Variants in TMEM132D observed in about 807,000 individuals in gnomAD.
TMEM132D encodes mature OL transmembrane protein.
TMEM132D carries 21 observed loss-of-function variants against 62.3 expected under a neutral mutation model. The observed-to-expected ratio is 0.34, with a 90% CI of 0.24 to 0.49. TMEM132D has a LOEUF of 0.49. Ranked by LOEUF, TMEM132D falls within the 20% of genes least tolerant of loss-of-function variation. TMEM132D has a pLI of 0.99. For synonymous variants in TMEM132D, 621 were observed against 575.6 expected, an observed-to-expected ratio of 1.08 and a Z score of -1.13; for missense variants, 1,346 against 1,402.8, an observed-to-expected ratio of 0.96 and a Z score of 0.65.
At chr12:129,566,743 C>A (rs1463034189) in intron 2 of TMEM132D, among the ~76,000 whole-genome samples, 4 of 152,156 alleles carry the variant, frequency 2.6e-5, no homozygotes, top group South Asian at 4.1e-4. Flanking sequence ...GAGCCTGGCA[C>A]CATTTTATGT....
In TMEM132D at chr12:129,854,333, G is replaced by A. The variant is rs1873645612; in HGVS notation, c.79+48928C>T. ...GACCATCACCTCATTGTACAGAAAA[G>A]GAAATGTGACACAGGGCCAATGTCA... On this transcript the variant is annotated intron_variant, in intron 1 of 8. Transcript: ENST00000422113. Among the ~76,000 whole-genome samples, 3 of 152,246 alleles carry A rather than the reference G, an allele frequency of 2.0e-5. No individual in the cohort carries two copies. In the South Asian group the frequency reaches 6.2e-4, roughly 32 times the overall value.
chr12:129,825,556 G>A, intron 1 of TMEM132D, among the ~76,000 whole-genome samples: 1 of 152,072 alleles, frequency 6.6e-6, no homozygotes, highest in African/African-American at 2.4e-5. Context: ...GGGACACAAG[G>A]CCCTCCACCT....
intron 3 of TMEM132D, among the ~76,000 whole-genome samples, chr12:129,399,818 C>T (rs1340177670): frequency 2.6e-5 from 4 of 151,696 alleles, no homozygotes; most frequent in Admixed American, 2.6e-4. Context: ...AACTGTGTGG[C>T]TCAAAGGAAC....
chr12:129,777,929 T>A (rs1870994157), intron 1 of TMEM132D, among the ~76,000 whole-genome samples: 1 of 150,622 alleles, frequency 6.6e-6, no homozygotes, highest in African/African-American at 2.4e-5. Flanking sequence ...AGCCCAGGAG[T>A]TCAAGACCTG....
intron 2 of TMEM132D, among the ~76,000 whole-genome samples, chr12:129,649,367 G>T (rs1424739974): frequency 6.6e-6 from 1 of 152,024 alleles, no homozygotes; most frequent in Non-Finnish European, 1.5e-5. Flanking sequence ...GCCTCCACAA[G>T]CCACCAAGTA....
At chr12:129,453,229 G>A (rs574269420) in intron 3 of TMEM132D, among the ~76,000 whole-genome samples, 1 of 152,338 alleles carries the variant, frequency 6.6e-6, no homozygotes, top group African/African-American at 2.4e-5. Flanking sequence ...AGTCCCTGGT[G>A]CCAAAAAGAT....
At chr12:129,341,583 T>C (rs1869486914) in intron 3 of TMEM132D, among the ~76,000 whole-genome samples, 1 of 152,204 alleles carries the variant, frequency 6.6e-6, no homozygotes, top group African/African-American at 2.4e-5. Flanking sequence ...TCCTAGCCTC[T>C]AGATGTTTAC....
In TMEM132D at chr12:129,486,222, C is replaced by T. The variant is rs546680056; in HGVS notation, c.1115+44837G>A. On this transcript the variant is annotated intron_variant, in intron 3 of 8. Transcript: ENST00000422113. ...GAAGCTACAGCTGCCCGCTGCAGTC[C>T]CTTGCTACATCACACACCTTTTATC... 3.1e-4 allele frequency among the ~76,000 whole-genome samples: 47 copies of T among 152,340 alleles called. 1 individual carries two copies. The highest frequency in any genetic ancestry group is 9.1e-4 in the African/African-American group (38 of 41,580).
At chr12:129,826,768 C>G (rs111654581) in intron 1 of TMEM132D, among the ~76,000 whole-genome samples, 40 of 152,238 alleles carry the variant, frequency 2.6e-4, no homozygotes, top group Non-Finnish European at 5.4e-4. Context: ...GGGTCAGAGG[C>G]CTGAGACAGC....
At chr12:129,583,587 C>G (rs1270144973) in intron 2 of TMEM132D, among the ~76,000 whole-genome samples, 1 of 152,174 alleles carries the variant, frequency 6.6e-6, no homozygotes, top group Non-Finnish European at 1.5e-5. Context: ...AACACACATG[C>G]TTCCACAGAG....
chr12:129,635,334 G>A (rs1447796538), intron 2 of TMEM132D, among the ~76,000 whole-genome samples: 2 of 152,180 alleles, frequency 1.3e-5, no homozygotes, highest in African/African-American at 4.8e-5. Context: ...CTCTATAACG[G>A]TAAGTCCTCA....
At position 129,569,072 on chromosome 12, in the gene TMEM132D, C is replaced by T. The variant is rs147571228; in HGVS notation, c.969-37867G>A. Among the ~76,000 whole-genome samples the T allele has an allele frequency of 8.0e-3, 1,219 of 152,268 alleles. 11 individuals are homozygous for T. The highest frequency in any genetic ancestry group is 0.016 in the Admixed American group (244 of 15,292). On this transcript the variant is annotated intron_variant, in intron 2 of 8. Coordinates refer to ENST00000422113, the MANE Select transcript of TMEM132D (RefSeq NM_133448.3). ...TGGGTCCACACTTCGAGAGCCACTA[C>T]CCTGGAATATCTTAGTGTGAGATAA...
chr12:129,882,762 A>G (rs541183605), intron 1 of TMEM132D, among the ~76,000 whole-genome samples: 1 of 152,322 alleles, frequency 6.6e-6, no homozygotes, highest in East Asian at 1.9e-4. Flanking sequence ...ATTGTTTTTA[A>G]GAAGGAAAAC....
At chr12:129,895,223 G>T (rs1028928754) in intron 1 of TMEM132D, among the ~76,000 whole-genome samples, 2 of 152,218 alleles carry the variant, frequency 1.3e-5, no homozygotes, top group African/African-American at 4.8e-5. Flanking sequence ...GCTGGGGTGA[G>T]CGCTAATCCC....
intron 4 of TMEM132D, among the ~76,000 whole-genome samples, chr12:129,227,024 C>A (rs1172089921): frequency 1.3e-5 from 2 of 152,064 alleles, no homozygotes; most frequent in Non-Finnish European, 2.9e-5. Context: ...TAAATGACAG[C>A]TGTTTAATTA....
At chr12:129,077,852 T>G (rs1260585761) in intron 8 of TMEM132D, among the ~76,000 whole-genome samples, 2 of 144,598 alleles carry the variant, frequency 1.4e-5, no homozygotes, top group African/African-American at 5.0e-5. Flanking sequence ...CACAAAATAC[T>G]GACACAAGAC....
intron 2 of TMEM132D, among the ~76,000 whole-genome samples, chr12:129,538,212 A>G (rs73435659): frequency 0.12 from 17,780 of 152,242 alleles, 3,495 homozygotes; most frequent in African/African-American, 0.41. Flanking sequence ...AAACAAAAAC[A>G]AAAAAACTCC....
chr12:129,729,372 G>A (rs1430701070), intron 1 of TMEM132D, among the ~76,000 whole-genome samples: 4 of 152,158 alleles, frequency 2.6e-5, no homozygotes, highest in Non-Finnish European at 5.9e-5. Flanking sequence ...TGACAGTACT[G>A]TTCTATGCAT....
intron 2 of TMEM132D, among the ~76,000 whole-genome samples, chr12:129,547,678 A>G (rs1320477469): frequency 6.6e-6 from 1 of 152,210 alleles, no homozygotes. Context: ...AGAAAGTGTG[A>G]GATGAGTAAA....
Sources: gnomAD v4.1 joint callset for allele counts (sites outside exome capture counted in the v4.1 genomes callset) on GRCh38, gnomAD v4.1.1 for gene constraint, MANE v1.5 for transcripts, NCBI Gene and HGNC (gene_info 2026-07-23, HGNC 2026-07-21) for gene names.